The following HPN variants were observed in gnomAD, a reference collection of about 807,000 sequenced individuals.
The protein encoded by HPN is hepsin.
A neutral mutation model predicts 55.9 loss-of-function variants in HPN; 13 were observed. That is an observed-to-expected ratio of 0.23 (90% confidence interval 0.15 to 0.37). The LOEUF is 0.37. Among genes scored for constraint, HPN ranks in the 10% least tolerant of loss-of-function variants. The probability of loss-of-function intolerance (pLI) is 1.00; values close to 1 mark genes in which losing one functional copy is unlikely to be tolerated. For missense variants in HPN, 451 were observed against 575.8 expected, an observed-to-expected ratio of 0.78 and a Z score of 2.22; for synonymous variants, 225 against 240.3, an observed-to-expected ratio of 0.94 and a Z score of 0.59.
At chr19:35,045,504 A>C (rs1358907408) in intron 2 of HPN, among the ~76,000 whole-genome samples, 1 of 152,082 alleles carries the variant, frequency 6.6e-6, no homozygotes, top group Non-Finnish European at 1.5e-5. Flanking sequence ...AGGCGGAAGA[A>C]CTGACCTATG....
chr19:35,051,395 C>T (rs1292598625), intron 4 of HPN, among the ~76,000 whole-genome samples: 1 of 152,174 alleles, frequency 6.6e-6, no homozygotes. Flanking sequence ...AGGCATGAGC[C>T]ACCACACCCA....
At chr19:35,055,104 G>A (rs1226433104) in intron 4 of HPN, among the ~76,000 whole-genome samples, 2 of 152,146 alleles carry the variant, frequency 1.3e-5, no homozygotes, top group East Asian at 1.9e-4. Flanking sequence ...GAGGCCAGGA[G>A]TTTGAGATCA....
chr19:35,049,999 G>A (rs1024784645), intron 4 of HPN, among the ~76,000 whole-genome samples: 23 of 152,024 alleles, frequency 1.5e-4, no homozygotes, highest in African/African-American at 4.1e-4. Context: ...CCAGACTACA[G>A]AGCTATGGGC....
rs183371974 is a variant in HPN, at chr19:35,045,583, G to T, written c.16+3061G>T. On this transcript the variant is annotated intron_variant, in intron 2 of 12. Coordinates refer to ENST00000672452, the MANE Select transcript of HPN (RefSeq NM_001384133.1). ...GAGAGTCTCAGGGAGATGTAGGGGT[G>T]GGGGAGGTCTGGCTTACCAAGGGAA... Among the ~76,000 whole-genome samples the T allele has an allele frequency of 8.5e-4, 130 of 152,246 alleles. 1 individual carries two copies. Among genetic ancestry groups the T allele is most frequent in the Admixed American group, 1.1e-3 (17 of 15,292 alleles).
Position 35,060,367 on chromosome 19 carries a change from C to T in HPN, c.475C>T (p.Pro159Ser), listed in dbSNP as rs765556620. 2 of 1,611,972 alleles carry T rather than the reference C, an allele frequency of 1.2e-6. No individual in the cohort carries two copies. Among genetic ancestry groups the T allele is most frequent in the African/African-American group, 1.3e-5 (1 of 74,946 alleles). Residue 159 changes from proline to serine, a missense_variant, in exon 8 of 13, where the codon CCC (proline) becomes TCC (serine). Around this residue, in one of 2 missense-constraint regions of HPN, gnomAD observed 378 missense variants for 445.5 expected, o/e 0.85. Coordinates refer to ENST00000672452, the MANE Select transcript of HPN (RefSeq NM_001384133.1). ...ICQDCGRRKLPVDRIVGGRDT... is the reference protein window; with the variant it reads ...ICQDCGRRKLSVDRIVGGRDT... ...CACAGACTGTGGCCGCAGGAAGCTG[C>T]CCGTGGACCGCATCGTGGGAGGCCG...
At chr19:35,050,105 C>G (rs1316970933) in intron 4 of HPN, among the ~76,000 whole-genome samples, 1 of 151,800 alleles carries the variant, frequency 6.6e-6, no homozygotes, top group African/African-American at 2.4e-5. Flanking sequence ...TCTAACTCTC[C>G]TAGGAGGTAG....
At chr19:35,059,361 G>T (rs934585791) in intron 4 of HPN, 4 of 491,098 alleles carry the variant, frequency 8.1e-6, no homozygotes, top group Non-Finnish European at 1.5e-5. Flanking sequence ...GCACGCCTGT[G>T]GTCCTAGCTA....
At position 35,065,891 on chromosome 19, in the gene HPN, G is replaced by A. The variant is rs745454102; in HGVS notation, c.1074G>A (p.Val358=). 22 of 1,614,132 alleles carry A rather than the reference G, an allele frequency of 1.4e-5. No individual in the cohort carries two copies. Among genetic ancestry groups the A allele is most frequent in the Non-Finnish European group, 1.8e-5 (21 of 1,180,032 alleles). The change falls in exon 12 of 13, where the codon GTG becomes GTA. Residue 358 remains valine, a synonymous_variant. Coordinates refer to ENST00000672452, the MANE Select transcript of HPN (RefSeq NM_001384133.1). ...ACQGDSGGPF[V]CEDSISRTPR... ...AGGGCGACAGCGGTGGTCCCTTTGT[G>A]TGTGAGGACAGCATCTCTCGGACGC... is the stretch of plus-strand genomic sequence containing the variant.
chr19:35,050,644 A>G (rs1444439661), intron 4 of HPN: 2 of 636,822 alleles, frequency 3.1e-6, no homozygotes, highest in East Asian at 1.5e-4. Flanking sequence ...TCCCTGATGC[A>G]GGACAGCAGG....
chr19:35,062,959 G>A (rs1400212850), intron 9 of HPN, among the ~76,000 whole-genome samples: 1 of 152,216 alleles, frequency 6.6e-6, no homozygotes, highest in Non-Finnish European at 1.5e-5. Flanking sequence ...TCATGATTGA[G>A]TATTCGAGTA....
At chr19:35,052,540 A>C (rs1422784156) in intron 4 of HPN, among the ~76,000 whole-genome samples, 1 of 151,420 alleles carries the variant, frequency 6.6e-6, no homozygotes, top group Non-Finnish European at 1.5e-5. Flanking sequence ...GTCTCAAAAA[A>C]AAAAAAAAAA....
At chr19:35,050,653 G>A (rs1414799225) in intron 4 of HPN, 2 of 532,328 alleles carry the variant, frequency 3.8e-6, no homozygotes, top group South Asian at 2.0e-5. Context: ...CAGGACAGCA[G>A]GAAAAAAGGG....
chr19:35,061,455 G>A (rs918030774), intron 9 of HPN, among the ~76,000 whole-genome samples: 7 of 152,118 alleles, frequency 4.6e-5, no homozygotes, highest in Non-Finnish European at 7.4e-5. Context: ...TTAGCCTGGC[G>A]TGGTGGCACA....
intron 2 of HPN, among the ~76,000 whole-genome samples, chr19:35,047,780 T>C (rs1222728702): frequency 1.3e-5 from 2 of 151,876 alleles, no homozygotes; most frequent in Non-Finnish European, 2.9e-5. Context: ...AGCAGATAAC[T>C]TGAGTCTGGG....
rs1306743021 is a variant in HPN, at chr19:35,059,860, C to T, written c.291-14C>T. ...GAGGGGCTGGGGAGCAGGCCTAACC[C>T]CTGCCCCGCCCAGGGCACTGACCCA... On this transcript the variant is annotated splice_polypyrimidine_tract_variant and intron_variant, in intron 5 of 12. Coordinates refer to ENST00000672452, the MANE Select transcript of HPN (RefSeq NM_001384133.1). The T allele has an allele frequency of 6.7e-7, 1 of 1,500,834 alleles. No homozygotes were observed. Among genetic ancestry groups the T allele is most frequent in the Non-Finnish European group, 8.9e-7 (1 of 1,124,318 alleles). 93.0% of individuals were successfully genotyped at this position (1,500,834 alleles called of 1,614,324 possible).
intron 4 of HPN, among the ~76,000 whole-genome samples, chr19:35,054,534 C>T (rs2064436469): frequency 6.6e-6 from 1 of 152,044 alleles, no homozygotes. Flanking sequence ...CCCCAGTAAA[C>T]GTAGCCAGTG....
At position 35,041,793 on chromosome 19, in the gene HPN, C is replaced by T; in HGVS notation, c.-134C>T. Reference sequence around the variant, plus strand: ...CAGGCCGCCCGCTGCTGCGGGGCCACCATGCTCCTGCCCAGGCCTGGAGAC... The same window carrying T: ...CAGGCCGCCCGCTGCTGCGGGGCCATCATGCTCCTGCCCAGGCCTGGAGAC... On this transcript the variant is annotated 5_prime_UTR_variant, in exon 1 of 13. Transcript: ENST00000672452. 2 of 1,329,424 alleles carry T rather than the reference C, an allele frequency of 1.5e-6. No homozygotes were observed. Among genetic ancestry groups the T allele is most frequent in the Non-Finnish European group, 2.0e-6 (2 of 1,012,312 alleles). 82.4% of individuals were successfully genotyped at this position (1,329,424 alleles called of 1,614,324 possible).
At chr19:35,044,657 G>A (rs757352271) in intron 2 of HPN, among the ~76,000 whole-genome samples, 1 of 152,174 alleles carries the variant, frequency 6.6e-6, no homozygotes, top group Non-Finnish European at 1.5e-5. Context: ...ATGGTTGTCT[G>A]AGAATTGGGG....
At chr19:35,064,472 C>A (rs1261206770) in intron 9 of HPN, among the ~76,000 whole-genome samples, 1 of 151,768 alleles carries the variant, frequency 6.6e-6, no homozygotes, top group Non-Finnish European at 1.5e-5. Flanking sequence ...CCTCAGCCTC[C>A]TGAGTAGCTG....
Sources: gnomAD v4.1 joint callset for allele counts (sites outside exome capture counted in the v4.1 genomes callset) on GRCh38, gnomAD v4.1.1 for gene constraint, gnomAD v4.1.1 regional missense constraint, MANE v1.5 for transcripts, NCBI Gene and HGNC (gene_info 2026-07-23, HGNC 2026-07-21) for gene names.